XCR1: variants seen among roughly 807,000 people sequenced by gnomAD.
The protein encoded by XCR1 is X-C motif chemokine receptor 1, also known as chemokine XC receptor 1.
For synonymous variants in XCR1, 187 were observed against 188.5 expected (o/e 0.99, Z 0.06); for missense variants, 356 against 424.2 (o/e 0.84, Z 1.41).
chr3:46,085,793 C>T lies in XCR1; in HGVS notation c.-515+1G>A. ...TCAACCTTGGTGTAGGGCCTCCTTA[C>T]TTGGTGTAGTCCTTGGTGTGACAGC... On this transcript the variant is annotated splice_donor_variant, in intron 1 of 5. Transcript: ENST00000683768. LOFTEE classifies it low-confidence loss of function (5UTR_SPLICE). Among the ~76,000 whole-genome samples, 1 of 152,230 alleles carries T rather than the reference C, an allele frequency of 6.6e-6. No homozygotes were observed. The highest frequency in any genetic ancestry group is 6.5e-5 in the Admixed American group (1 of 15,292).
chr3:46,064,540 G>A (rs1419328662), intron 4 of XCR1, among the ~76,000 whole-genome samples: 3 of 152,166 alleles, frequency 2.0e-5, no homozygotes, highest in Non-Finnish European at 4.4e-5. Context: ...TTGACTGATA[G>A]AATGTGGCTG....
At chr3:46,060,282 T>A (rs2133664) in intron 4 of XCR1, among the ~76,000 whole-genome samples, 107,283 of 152,016 alleles carry the variant, frequency 0.71, 38,708 homozygotes, top group East Asian at 0.95. Context: ...GACCCCAATC[T>A]TCATTTCTGA....
intron 1 of XCR1, chr3:46,023,912 A>C: frequency 1.3e-6 from 2 of 1,500,468 alleles, no homozygotes; most frequent in Non-Finnish European, 1.8e-6. Flanking sequence ...CCAGACTTCT[A>C]AAAAGGTCCA....
intron 5 of XCR1, among the ~76,000 whole-genome samples, chr3:46,035,117 G>A (rs1338333533): frequency 2.6e-5 from 4 of 152,018 alleles, no homozygotes; most frequent in Admixed American, 1.3e-4. Context: ...ACCACAGCCC[G>A]CTAATTTTTG....
chr3:46,022,163 T>G, intron 1 of XCR1, 185 bp from the exon 2 acceptor site: 102 of 467,408 alleles, frequency 2.2e-4, no homozygotes, highest in Middle Eastern at 5.9e-4. Context: ...TACCCGGGTG[T>G]GGTGGCGCAT....
At chr3:46,028,088 G>T (rs1708332168), upstream of XCR1, among the ~76,000 whole-genome samples, 1 of 152,092 alleles carries the variant, frequency 6.6e-6, no homozygotes, top group South Asian at 2.1e-4. Context: ...CAGACTTTTA[G>T]CTAGCAACCC....
chr3:46,066,200 T>C (rs367622121), intron 4 of XCR1, among the ~76,000 whole-genome samples: 19 of 140,596 alleles, frequency 1.4e-4, no homozygotes, highest in Admixed American at 3.4e-4. Context: ...CTTCCTTCCT[T>C]CCTCCCTCCC....
At chr3:46,042,995 G>A (rs1697562121) in intron 5 of XCR1, among the ~76,000 whole-genome samples, 1 of 151,580 alleles carries the variant, frequency 6.6e-6, no homozygotes, top group South Asian at 2.1e-4. Flanking sequence ...ATTTATCCCT[G>A]AATGCAAGAG....
At chr3:46,070,939 A>ATATTCTG in intron 3 of XCR1, among the ~76,000 whole-genome samples, 1 of 152,000 alleles carries the variant, frequency 6.6e-6, no homozygotes, top group East Asian at 1.9e-4. Flanking sequence ...TAATTGTTTT[A>ATATTCTG]TGAAACCTGT....
intron 1 of XCR1, among the ~76,000 whole-genome samples, chr3:46,081,563 C>T (rs13092030): frequency 0.09 from 13,718 of 152,136 alleles, 989 homozygotes; most frequent in South Asian, 0.34. Context: ...CTGGAGATTT[C>T]TTTTTTCTTT....
chr3:46,028,845 C>G (rs59166269), upstream of XCR1, among the ~76,000 whole-genome samples: 30,333 of 152,026 alleles, frequency 0.2, 4,429 homozygotes, highest in African/African-American at 0.4. Flanking sequence ...TCCTGCCTTG[C>G]CCTCCCAAAG....
At chr3:46,071,146 T>G (rs1247622785) in intron 3 of XCR1, among the ~76,000 whole-genome samples, 1 of 152,120 alleles carries the variant, frequency 6.6e-6, no homozygotes, top group Non-Finnish European at 1.5e-5. Context: ...AACAACTATA[T>G]AGTCATAAAC....
At chr3:46,061,211 C>T (rs977648183) in intron 4 of XCR1, among the ~76,000 whole-genome samples, 3 of 152,144 alleles carry the variant, frequency 2.0e-5, no homozygotes, top group African/African-American at 4.8e-5. Context: ...GAAACAGTCC[C>T]GTGTAGTCAG....
intron 4 of XCR1, among the ~76,000 whole-genome samples, chr3:46,056,656 AT>A (rs61471538): frequency 0.14 from 17,488 of 122,934 alleles, 3,382 homozygotes; most frequent in African/African-American, 0.42. Context: ...GTATTTATTT[AT>A]TTTTTTTTTT....
At chr3:46,041,868 C>G (rs1466192381) in intron 5 of XCR1, among the ~76,000 whole-genome samples, 1 of 152,158 alleles carries the variant, frequency 6.6e-6, no homozygotes, top group African/African-American at 2.4e-5. Flanking sequence ...TTTTCTTGTA[C>G]ATTGTTATAT....
At chr3:46,036,481 G>T (rs1697433271) in intron 5 of XCR1, among the ~76,000 whole-genome samples, 1 of 152,146 alleles carries the variant, frequency 6.6e-6, no homozygotes, top group Admixed American at 6.5e-5. Flanking sequence ...AAATTGGCTT[G>T]TAAACAAAAC....
chr3:46,060,834 C>A (rs567852059), intron 4 of XCR1, among the ~76,000 whole-genome samples: 55 of 152,338 alleles, frequency 3.6e-4, no homozygotes, highest in African/African-American at 1.3e-3. Flanking sequence ...ATATTGCCAT[C>A]TGGCTGCCAC....
In XCR1 at chr3:46,021,988, T is replaced by C. The variant is rs759318862; in HGVS notation, c.-31-10A>G. ...GGGACGTTTAGAGCATCTGAAATGA[T>C]AGAGACATGGAGTTTAAAGCCATGT... is the stretch of plus-strand genomic sequence containing the variant. On this transcript the variant is annotated splice_polypyrimidine_tract_variant and intron_variant, in intron 1 of 1. Transcript: ENST00000309285. This position sits in a 1 kb window ranked among gnomAD's most constrained non-coding sequence, Gnocchi z 4.7. The C allele has an allele frequency of 1.1e-5, 17 of 1,569,764 alleles. No individual in the cohort carries two copies. The highest frequency in any genetic ancestry group is 1.5e-5 in the Non-Finnish European group (17 of 1,159,206).
intron 1 of XCR1, chr3:46,024,123 T>C (rs1251002666): frequency 1.4e-6 from 1 of 713,296 alleles, no homozygotes; most frequent in African/African-American, 1.8e-5. Context: ...TGGATCTCCC[T>C]GAGAATATTC....
Sources: allele counts gnomAD v4.1 joint callset (sites outside exome capture counted in the v4.1 genomes callset), GRCh38; gene constraint gnomAD v4.1.1; non-coding constraint Gnocchi (gnomAD v3.1); transcripts MANE v1.5; gene names NCBI Gene and HGNC (gene_info 2026-07-23, HGNC 2026-07-21).